NOS1: variants seen among roughly 807,000 people sequenced by gnomAD.
The protein encoded by NOS1 is NOS type I.
NOS1 carries 51 observed loss-of-function variants against 164.5 expected under a neutral mutation model. That is an observed-to-expected ratio of 0.31 (90% CI 0.25 to 0.39). The LOEUF (loss-of-function observed/expected upper bound fraction) is 0.39, where lower values mean the gene tolerates loss of function less well. Ranked by LOEUF, NOS1 falls within the 10% of genes least tolerant of loss-of-function variation. The pLI, the probability that NOS1 is intolerant of heterozygous loss-of-function variation, is 1.00. For synonymous variants in NOS1, 719 were observed against 745.8 expected (o/e 0.96, Z 0.59); for missense variants, 1,362 against 1,885.6 (o/e 0.72, Z 5.14).
chr12:117,284,998 C>G (rs7967614), intron 7 of NOS1, among the ~76,000 whole-genome samples: 61,593 of 149,216 alleles, frequency 0.41, 13,079 homozygotes, highest in Admixed American at 0.51. Flanking sequence ...TGCAGTGAGC[C>G]GAGATCATGC....
In NOS1 at chr12:117,212,696, TG is replaced by T. The variant is rs1432443712; in HGVS notation, c.*2612del. 1.0e-6 allele frequency: 1 copy of T among 985,320 alleles called. No individual in the cohort carries two copies. Among genetic ancestry groups the T allele is most frequent in the Non-Finnish European group, 1.2e-6 (1 of 829,948 alleles). The allele number at this position is 985,320 out of a possible 1,614,324, so 61.0% of individuals were successfully genotyped here. A position where few individuals can be genotyped will look rare whatever the true frequency, so the allele number is the denominator to read the frequency against. The stretch of plus-strand genomic sequence containing the variant: ...CCCAAATATCTTGTCAACCCTATTT[TG>T]CTTACCCATTGCTTAATTCTATTTT... On this transcript the variant is annotated 3_prime_UTR_variant, in exon 29 of 29. Transcript: ENST00000317775.
At chr12:117,286,001 A>C (rs41383549) in intron 6 of NOS1, 103 bp downstream of exon 6, 2 of 1,317,278 alleles carry the variant, frequency 1.5e-6, no homozygotes, top group Non-Finnish European at 2.1e-6. Flanking sequence ...CATGGCTACC[A>C]GGTACCCTTG....
Position 117,330,966 on chromosome 12 carries a change from C to G in NOS1, c.104G>C (p.Arg35Pro). The G allele has an allele frequency of 6.2e-7, 1 of 1,614,190 alleles. No homozygotes were observed. The highest frequency in any genetic ancestry group is 8.5e-7 in the Non-Finnish European group (1 of 1,180,032). The change falls in exon 2 of 29, where the codon CGG (arginine) becomes CCG (proline). Residue 35 changes from arginine to proline, a missense_variant. Arg to Pro is a moderately radical substitution (Grantham distance 103). Around this residue, in one of 4 missense-constraint regions of NOS1, gnomAD observed 362 missense variants for 402.0 expected, o/e 0.90. Coordinates refer to ENST00000317775, the MANE Select transcript of NOS1 (RefSeq NM_000620.5). This position sits in a 1 kb window ranked among gnomAD's most constrained non-coding sequence, Gnocchi z 4.6. ...VGGLGFLVKE[R>P]VSKPPVIISD... ...GATGATCACGGGCGGCTTACTGACC[C>G]GCTCCTTCACCAGAAATCCCAGGCC...
chr12:117,346,458 G>C (rs922406147), intron 1 of NOS1, among the ~76,000 whole-genome samples: 4 of 152,148 alleles, frequency 2.6e-5, no homozygotes, highest in Non-Finnish European at 5.9e-5. Context: ...ACCACAGAGC[G>C]AGACTCTGTC....
chr12:117,349,320 A>C (rs1876506889), intron 1 of NOS1, among the ~76,000 whole-genome samples: 1 of 152,248 alleles, frequency 6.6e-6, no homozygotes, highest in Non-Finnish European at 1.5e-5. Flanking sequence ...TGGCTGAGTA[A>C]TATTCCATTA....
intron 12 of NOS1, among the ~76,000 whole-genome samples, chr12:117,265,087 C>T (rs1592966377): frequency 6.6e-6 from 1 of 152,032 alleles, no homozygotes; most frequent in South Asian, 2.1e-4. Context: ...CTCAAGCCAC[C>T]TTCCCACCTC....
chr12:117,311,419 G>A (rs542270819), intron 3 of NOS1, 47 bp downstream of exon 3: 5 of 1,535,646 alleles, frequency 3.3e-6, no homozygotes, highest in South Asian at 1.2e-5. Flanking sequence ...GGAGGGGGTC[G>A]AGAAGGCGTG....
chr12:117,287,597 C>T (rs1053707868), intron 5 of NOS1, among the ~76,000 whole-genome samples: 6 of 152,120 alleles, frequency 3.9e-5, no homozygotes, highest in African/African-American at 1.4e-4. Flanking sequence ...CACCACCATG[C>T]CCTACTAATT....
At chr12:117,296,724 C>T (rs1873443007) in intron 3 of NOS1, among the ~76,000 whole-genome samples, 1 of 152,182 alleles carries the variant, frequency 6.6e-6, no homozygotes, top group Non-Finnish European at 1.5e-5. Flanking sequence ...AAGCCCTAAC[C>T]TCCATCCCCC....
chr12:117,293,706 T>G (rs192463119), intron 3 of NOS1, among the ~76,000 whole-genome samples: 1 of 151,552 alleles, frequency 6.6e-6, no homozygotes, highest in African/African-American at 2.4e-5. Context: ...GTATTACTAT[T>G]ATTACTTGTA....
At chr12:117,306,489 G>GAT (rs1566068918) in intron 3 of NOS1, among the ~76,000 whole-genome samples, 1 of 152,092 alleles carries the variant, frequency 6.6e-6, no homozygotes, top group Non-Finnish European at 1.5e-5. Context: ...TTAAGATGAT[G>GAT]ATTACGATAA....
In NOS1 at chr12:117,330,457, G is replaced by T. The variant is rs1337391335; in HGVS notation, c.613C>A (p.Leu205Met). The change falls in exon 2 of 29, where the codon CTG becomes ATG. Residue 205 changes from leucine to methionine, a missense_variant. By Grantham distance (15) the Leu-to-Met change is conservative. This residue lies in a region of NOS1 where 362 missense variants were observed against 402.0 expected (regional missense o/e 0.90). Transcript: ENST00000317775. This position sits in a 1 kb window ranked among gnomAD's most constrained non-coding sequence, Gnocchi z 4.6. ...SLQGRGENNE[L>M]LKEIEPVLSL... ...AGCACAGGCTCTATCTCCTTGAGCAGTTCATTGTTCTCCCCTCTGCCTTGG... is the reference window on the plus strand; with the variant it reads ...AGCACAGGCTCTATCTCCTTGAGCATTTCATTGTTCTCCCCTCTGCCTTGG... 1.2e-6 allele frequency: 2 copies of T among 1,614,092 alleles called. No individual in the cohort carries two copies. Among genetic ancestry groups the T allele is most frequent in the African/African-American group, 2.7e-5 (2 of 74,936 alleles).
chr12:117,241,627 T>G (rs548856452), intron 20 of NOS1, among the ~76,000 whole-genome samples: 2 of 152,200 alleles, frequency 1.3e-5, no homozygotes, highest in Non-Finnish European at 2.9e-5. Context: ...CAGGGATCTA[T>G]GCAAAGACTT....
intron 22 of NOS1, 62 bp downstream of exon 22, chr12:117,231,900 A>G: frequency 6.6e-6 from 10 of 1,508,674 alleles, no homozygotes; most frequent in Non-Finnish European, 9.0e-6. Context: ...ACAGTTTTCA[A>G]CTCTTTAATG....
intron 18 of NOS1, among the ~76,000 whole-genome samples, chr12:117,246,590 C>G (rs371488591): frequency 6.6e-6 from 1 of 152,158 alleles, no homozygotes; most frequent in South Asian, 2.1e-4. Context: ...CATCACCCCC[C>G]CAACACTGAA....
intron 7 of NOS1, among the ~76,000 whole-genome samples, chr12:117,282,635 G>A (rs1873767382): frequency 6.6e-6 from 1 of 152,168 alleles, no homozygotes; most frequent in Admixed American, 6.5e-5. Flanking sequence ...ACAGCTGAGG[G>A]TGAGTCTAGA....
At chr12:117,344,029 C>T (rs1876231558) in intron 1 of NOS1, among the ~76,000 whole-genome samples, 1 of 152,094 alleles carries the variant, frequency 6.6e-6, no homozygotes, top group Admixed American at 6.6e-5. Context: ...CCAGTAATAA[C>T]AATAAATGCA....
Position 117,330,756 on chromosome 12 carries a change from G to A in NOS1, c.314C>T (p.Thr105Met), listed in dbSNP as rs76839820. Reference sequence around the variant, plus strand: ...ACCTGTAAAGGTGGTCTCCAGGTGCGTGGTGAAACCTTCAGGGCCCCTCAG... The same window carrying A: ...ACCTGTAAAGGTGGTCTCCAGGTGCATGGTGAAACCTTCAGGGCCCCTCAG... ...LILRGPEGFT[T>M]HLETTFTGDG... Residue 105 changes from threonine (T) to methionine (M), a missense_variant, in exon 2 of 29, where the codon ACG (threonine) becomes ATG (methionine). By Grantham distance (81) the Thr-to-Met change is moderately conservative (BLOSUM62 -1). Transcript: ENST00000317775. The surrounding 1 kb of genome is among the most constrained non-coding windows in gnomAD (Gnocchi z 4.6). 5 of 1,613,986 alleles carry A rather than the reference G, an allele frequency of 3.1e-6. No individual in the cohort carries two copies. The highest frequency in any genetic ancestry group is 4.2e-6 in the Non-Finnish European group (5 of 1,180,014).
chr12:117,226,428 C>T (rs1195453407), intron 24 of NOS1, among the ~76,000 whole-genome samples: 5 of 152,138 alleles, frequency 3.3e-5, no homozygotes, highest in Admixed American at 2.0e-4. Context: ...CCGATAGCTC[C>T]AGCACCTAGC....
Sources: allele counts gnomAD v4.1 joint callset (sites outside exome capture counted in the v4.1 genomes callset), GRCh38; gene constraint gnomAD v4.1.1; regional missense constraint gnomAD v4.1.1; non-coding constraint Gnocchi (gnomAD v3.1); transcripts MANE v1.5; gene names NCBI Gene and HGNC (gene_info 2026-07-23, HGNC 2026-07-21).